Variants in RBL1 observed in about 807,000 individuals in gnomAD.
The protein encoded by RBL1 is retinoblastoma-like protein 1.
In RBL1, 82 loss-of-function variants were observed where a neutral mutation model predicts 123.0. The ratio of observed to expected loss-of-function variants is 0.67; its 90% CI spans 0.56 to 0.80. The LOEUF (loss-of-function observed/expected upper bound fraction) is 0.80. RBL1 is among the 30% of genes least tolerant of loss of function. The pLI is 0.00. For synonymous variants in RBL1, 405 were observed against 441.3 expected, an observed-to-expected ratio of 0.92 and a Z score of 1.03; for missense variants, 1,171 against 1,299.6, an observed-to-expected ratio of 0.90 and a Z score of 1.52.
chr20:37,014,329 T>A (rs1216718836), intron 19 of RBL1, among the ~76,000 whole-genome samples: 2 of 152,050 alleles, frequency 1.3e-5, no homozygotes, highest in African/African-American at 4.8e-5. Flanking sequence ...CCCTCCTGGC[T>A]TGGCCTCCCA....
At position 36,997,545 on chromosome 20, in the gene RBL1, A is replaced by G. The variant is rs892420611; in HGVS notation, c.*1214T>C. 6.6e-6 allele frequency: 1 copy of G among 152,182 alleles called. No individual in the cohort carries two copies. The highest frequency in any genetic ancestry group is 2.4e-5 in the African/African-American group (1 of 41,454). 9.4% of individuals were successfully genotyped at this position (152,182 alleles called of 1,614,324 possible). The stretch of plus-strand genomic sequence containing the variant: ...GAGATGATATTTATGTGATTTTTAA[A>G]AGGTTTAAAATATTCTTAGGGACTC... On this transcript the variant is annotated 3_prime_UTR_variant, in exon 22 of 22. Transcript: ENST00000373664.
intron 11 of RBL1, among the ~76,000 whole-genome samples, chr20:37,047,903 C>T (rs2064843175): frequency 1.3e-5 from 2 of 152,026 alleles, no homozygotes; most frequent in South Asian, 4.2e-4. Context: ...TCACTTAAAC[C>T]TGTGAGGCAG....
chr20:37,032,457 A>G (rs1306723745), intron 16 of RBL1, among the ~76,000 whole-genome samples: 2 of 152,236 alleles, frequency 1.3e-5, no homozygotes. Context: ...GGGAAGACGA[A>G]AAAGTTCTGG....
At chr20:37,017,758 G>A (rs2064280490) in intron 19 of RBL1, among the ~76,000 whole-genome samples, 2 of 151,954 alleles carry the variant, frequency 1.3e-5, no homozygotes, top group Non-Finnish European at 2.9e-5. Flanking sequence ...AGGCTCCTGA[G>A]TAGCTGGGAC....
At position 37,066,768 on chromosome 20, in the gene RBL1, C is replaced by G; in HGVS notation, c.802G>C (p.Glu268Gln). ...GLLVEAKGIK[E>Q]HYFKPYISKL... Reference sequence around the variant, plus strand: ...GAAATATATGGCTTAAAGTAGTGCTCCTTTATTCCTTTTGCTTCTACGAGA... The same window carrying G: ...GAAATATATGGCTTAAAGTAGTGCTGCTTTATTCCTTTTGCTTCTACGAGA... The change falls in exon 6 of 22, where the codon GAG (glutamate) becomes CAG (glutamine). Residue 268 changes from glutamate (E) to glutamine (Q), a missense_variant. Coordinates refer to ENST00000373664, the MANE Select transcript of RBL1 (RefSeq NM_002895.5). 6.2e-7 allele frequency: 1 copy of G among 1,613,404 alleles called. No individual in the cohort carries two copies. Among genetic ancestry groups the G allele is most frequent in the Non-Finnish European group, 8.5e-7 (1 of 1,179,434 alleles).
chr20:36,998,195 G>T lies in RBL1; in HGVS notation c.*564C>A, dbSNP rs906237803. The T allele has an allele frequency of 4.6e-5, 7 of 151,662 alleles. No individual in the cohort carries two copies. The South Asian group carries it at 1.5e-3, about 31-fold the overall frequency. The allele number at this position is 151,662 out of a possible 1,614,324, so 9.4% of individuals were successfully genotyped here. Reference sequence around the variant, plus strand: ...CCTTATTTCATCTTGAAAACTCAAGGAGCAAACATTAAAAAAAATTCCCTA... The same window carrying T: ...CCTTATTTCATCTTGAAAACTCAAGTAGCAAACATTAAAAAAAATTCCCTA... On this transcript the variant is annotated 3_prime_UTR_variant, in exon 22 of 22. Transcript: ENST00000373664.
intron 12 of RBL1, among the ~76,000 whole-genome samples, chr20:37,045,472 G>A (rs1398864404): frequency 6.6e-6 from 1 of 151,782 alleles, no homozygotes; most frequent in Non-Finnish European, 1.5e-5. Flanking sequence ...AAACAAAGGA[G>A]GCCGACACAG....
chr20:37,007,618 G>T, intron 19 of RBL1, 59 bp from the exon 20 acceptor site: 2 of 1,539,090 alleles, frequency 1.3e-6, no homozygotes, highest in South Asian at 1.2e-5. Context: ...TTTGAGACAG[G>T]GTCTCACTTT....
At chr20:37,070,746 T>G (rs11700342) in intron 2 of RBL1, among the ~76,000 whole-genome samples, 4,908 of 151,906 alleles carry the variant, frequency 0.032, 114 homozygotes, top group Middle Eastern at 0.058. Flanking sequence ...TTACTGCAAC[T>G]TCCACCTCCT....
intron 11 of RBL1, among the ~76,000 whole-genome samples, chr20:37,047,988 CA>C (rs1343366205): frequency 1.3e-5 from 2 of 151,744 alleles, no homozygotes; most frequent in African/African-American, 4.8e-5. Context: ...TCAGAAAAAA[CA>C]AAAAACTAAA....
Position 37,042,580 on chromosome 20 carries a change from C to T in RBL1, c.1770+1506G>A, listed in dbSNP as rs148778935. 1.7e-3 allele frequency among the ~76,000 whole-genome samples: 264 copies of T among 152,086 alleles called. 3 individuals carry two copies. The highest frequency in any genetic ancestry group is 2.7e-3 in the Non-Finnish European group (184 of 67,984). On this transcript the variant is annotated intron_variant, in intron 13 of 21. Transcript: ENST00000373664. Reference sequence around the variant, plus strand: ...ACATATGTTCACACAAAAACTTGTGCCTGAATGTTCATAGCAGCATCAATC... The same window carrying T: ...ACATATGTTCACACAAAAACTTGTGTCTGAATGTTCATAGCAGCATCAATC...
intron 13 of RBL1, among the ~76,000 whole-genome samples, chr20:37,042,278 CACATAAAAAGA>C (rs2064742706): frequency 6.6e-6 from 1 of 151,908 alleles, no homozygotes; most frequent in Non-Finnish European, 1.5e-5. Context: ...AGCTTACAAG[CACATAAAAAGA>C]TGTTGATCAT....
At chr20:37,014,253 A>AT (rs920598462) in intron 19 of RBL1, among the ~76,000 whole-genome samples, 3 of 151,924 alleles carry the variant, frequency 2.0e-5, no homozygotes, top group Non-Finnish European at 2.9e-5. Context: ...ATTTTAAAAA[A>AT]TTTTTTGTAG....
chr20:37,038,332 C>T (rs1231883018), intron 14 of RBL1, among the ~76,000 whole-genome samples: 7 of 138,784 alleles, frequency 5.0e-5, no homozygotes, highest in African/African-American at 1.9e-4. Flanking sequence ...GTCGGAGACT[C>T]GCTCTTTCGC....
At chr20:37,007,695 T>A in intron 19 of RBL1, 136 bp from the exon 20 acceptor site, 1 of 783,698 alleles carries the variant, frequency 1.3e-6, no homozygotes, top group Non-Finnish European at 1.9e-6. Context: ...TGGATTCAAG[T>A]GATCCTCCCA....
Position 36,998,083 on chromosome 20 carries a change from T to A in RBL1, c.*676A>T, listed in dbSNP as rs945622803. ...AATACAAATATCTCAAAGCATGCTA[T>A]CAAAAGTAGATTATTTATCCTCATA... On this transcript the variant is annotated 3_prime_UTR_variant, in exon 22 of 22. Coordinates refer to ENST00000373664, the MANE Select transcript of RBL1 (RefSeq NM_002895.5). 2.0e-5 allele frequency: 3 copies of A among 152,066 alleles called. No homozygotes were observed. Among genetic ancestry groups the A allele is most frequent in the Admixed American group, 6.6e-5 (1 of 15,238 alleles). 9.4% of individuals were successfully genotyped at this position (152,066 alleles called of 1,614,324 possible). A position where few individuals can be genotyped will look rare whatever the true frequency, so the allele number is the denominator to read the frequency against.
At chr20:37,061,926 A>C (rs2065101386) in intron 8 of RBL1, among the ~76,000 whole-genome samples, 158 bp downstream of exon 8, 1 of 152,232 alleles carries the variant, frequency 6.6e-6, no homozygotes, top group South Asian at 2.1e-4. Flanking sequence ...AAAATACTAA[A>C]TGCCAGTTTT....
At chr20:37,082,427 T>C (rs994125780) in intron 2 of RBL1, among the ~76,000 whole-genome samples, 5 of 152,108 alleles carry the variant, frequency 3.3e-5, no homozygotes, top group African/African-American at 1.2e-4. Context: ...TTGTCAACTT[T>C]ATGAATTTTA....
intron 1 of RBL1, among the ~76,000 whole-genome samples, chr20:37,091,149 G>A (rs1259433871): frequency 6.6e-6 from 1 of 151,856 alleles, no homozygotes; most frequent in African/African-American, 2.4e-5. Context: ...CTGAGGTCAG[G>A]AGTTTGAGAG....
Sources: allele counts gnomAD v4.1 joint callset (sites outside exome capture counted in the v4.1 genomes callset), GRCh38; gene constraint gnomAD v4.1.1; transcripts MANE v1.5; gene names NCBI Gene and HGNC (gene_info 2026-07-23, HGNC 2026-07-21).